Variants in RGS6 observed in about 807,000 individuals in gnomAD.
RGS6 encodes the protein regulator of G-protein signaling 6.
A neutral mutation model predicts 78.5 loss-of-function variants in RGS6; 30 were observed. The observed-to-expected ratio is 0.38, with a 90% CI of 0.29 to 0.52. The LOEUF (loss-of-function observed/expected upper bound fraction) is 0.52, where lower values mean the gene tolerates loss of function less well. Ranked by LOEUF, RGS6 falls within the 20% of genes least tolerant of loss-of-function variation. RGS6 has a pLI of 0.85. For synonymous variants in RGS6, 206 were observed against 206.0 expected, an observed-to-expected ratio of 1.00 and a Z score of 0.00; for missense variants, 495 against 609.7, an observed-to-expected ratio of 0.81 and a Z score of 1.98.
At chr14:72,337,052 G>A (rs1433132995) in intron 2 of RGS6, among the ~76,000 whole-genome samples, 1 of 152,158 alleles carries the variant, frequency 6.6e-6, no homozygotes, top group Non-Finnish European at 1.5e-5. Context: ...GGACTTCAAT[G>A]TCTCGATTTG....
At chr14:71,887,353 G>A in the RGS6 span, among the ~76,000 whole-genome samples, 1 of 152,194 alleles carries the variant, frequency 6.6e-6, no homozygotes, top group East Asian at 1.9e-4. Context: ...GATTTTTAGG[G>A]AACAAGGGAA....
the RGS6 span, among the ~76,000 whole-genome samples, chr14:71,922,365 A>C: frequency 2.0e-5 from 3 of 152,208 alleles, no homozygotes; most frequent in Admixed American, 2.0e-4. Context: ...GGATTACCAC[A>C]ACAGCCACAA....
At chr14:72,410,150 C>G (rs924177868) in intron 3 of RGS6, among the ~76,000 whole-genome samples, 16 of 152,244 alleles carry the variant, frequency 1.1e-4, no homozygotes, top group Non-Finnish European at 2.2e-4. Flanking sequence ...CCAACTTCCA[C>G]AATGGTTGAA....
chr14:72,524,750 A>G (rs2097097651), intron 15 of RGS6, among the ~76,000 whole-genome samples: 1 of 152,224 alleles, frequency 6.6e-6, no homozygotes, highest in African/African-American at 2.4e-5. Context: ...GCCATCAGGC[A>G]GAGCTTATCT....
the RGS6 span, among the ~76,000 whole-genome samples, chr14:71,890,362 G>GAGAGAA: frequency 1.2e-5 from 1 of 84,584 alleles, no homozygotes; most frequent in African/African-American, 1.2e-4. Flanking sequence ...ATAAGACAGA[G>GAGAGAA]AGAGAGAGAG....
intron 2 of RGS6, among the ~76,000 whole-genome samples, chr14:72,202,992 A>G (rs1021646319): frequency 2.6e-5 from 4 of 152,000 alleles, no homozygotes; most frequent in African/African-American, 9.7e-5. Context: ...CTCCTGCCTC[A>G]GCCTCCTGAA....
chr14:72,001,736 G>C (rs1468391520), intron 2 of RGS6, among the ~76,000 whole-genome samples: 2 of 151,928 alleles, frequency 1.3e-5, no homozygotes, highest in East Asian at 3.9e-4. Context: ...TTTTCCCCTG[G>C]TGGAATTCTC....
At chr14:72,409,178 TA>T (rs2093196110) in intron 3 of RGS6, among the ~76,000 whole-genome samples, 1 of 152,136 alleles carries the variant, frequency 6.6e-6, no homozygotes, top group Non-Finnish European at 1.5e-5. Flanking sequence ...TTGCCACTGT[TA>T]AAAGAAAAAC....
At chr14:72,030,155 A>G (rs1044936723) in intron 2 of RGS6, among the ~76,000 whole-genome samples, 3 of 152,218 alleles carry the variant, frequency 2.0e-5, no homozygotes, top group Admixed American at 2.0e-4. Context: ...AGGATAGTGA[A>G]GAGCATATAA....
At chr14:72,441,984 C>T (rs1391144008) in intron 3 of RGS6, among the ~76,000 whole-genome samples, 1 of 152,188 alleles carries the variant, frequency 6.6e-6, no homozygotes, top group African/African-American at 2.4e-5. Context: ...TGCTGGAATG[C>T]CATGAGGCCC....
the RGS6 span, among the ~76,000 whole-genome samples, chr14:72,625,115 C>A: frequency 2.0e-5 from 3 of 152,090 alleles, no homozygotes; most frequent in South Asian, 2.1e-4. Flanking sequence ...TATCCTACTT[C>A]TCATCATACT....
rs368576604 is a variant in RGS6 at position 72,454,323 on chromosome 14, T to C, written c.185-205T>C. The stretch of plus-strand genomic sequence containing the variant: ...CTCATCCTGCATCATCAGAAGTGAG[T>C]GTTTTTTGGACAAGAATGGAATTGT... On this transcript the variant is annotated intron_variant, in intron 3 of 17. Coordinates refer to ENST00000553525, the MANE Select transcript of RGS6 (RefSeq NM_001204424.2). Among the ~76,000 whole-genome samples, 93 of 152,178 alleles carry C rather than the reference T, an allele frequency of 6.1e-4. No homozygotes were observed. The South Asian group carries it at 0.019, about 31-fold the overall frequency.
chr14:72,165,118 G>A (rs1408797168), intron 2 of RGS6, among the ~76,000 whole-genome samples: 2 of 152,192 alleles, frequency 1.3e-5, no homozygotes, highest in African/African-American at 4.8e-5. Flanking sequence ...ACCCTGCTAG[G>A]AATAGAGAAG....
At chr14:72,457,653 G>A (rs916062556) in intron 4 of RGS6, among the ~76,000 whole-genome samples, 1 of 152,118 alleles carries the variant, frequency 6.6e-6, no homozygotes, top group Non-Finnish European at 1.5e-5. Context: ...GATTGACTGT[G>A]GCAAAAATAT....
At chr14:72,473,105 A>C in intron 9 of RGS6, 152 bp downstream of exon 9, 1 of 553,932 alleles carries the variant, frequency 1.8e-6, no homozygotes, top group East Asian at 3.2e-5. Context: ...CATTTATATA[A>C]TCTCAGTAAA....
chr14:72,396,975 G>A (rs1310356184), intron 3 of RGS6, among the ~76,000 whole-genome samples: 1 of 152,194 alleles, frequency 6.6e-6, no homozygotes, highest in African/African-American at 2.4e-5. Flanking sequence ...AAGTCAGGTA[G>A]CATGATGCCT....
rs74554842 is a variant in RGS6 at position 72,253,891 on chromosome 14, A to G, written c.85-98204A>G. ...AGCATATATAACTGCGCCTATCTGT[A>G]CTGATACAGGTCTATCTGGCATTAC... is the stretch of plus-strand genomic sequence containing the variant. On this transcript the variant is annotated intron_variant, in intron 2 of 17. Coordinates refer to ENST00000553525, the MANE Select transcript of RGS6 (RefSeq NM_001204424.2). 3.2e-3 allele frequency among the ~76,000 whole-genome samples: 491 copies of G among 152,298 alleles called. 2 individuals are homozygous for G. The highest frequency in any genetic ancestry group is 0.011 in the African/African-American group (475 of 41,560).
At chr14:71,910,303 T>C in the RGS6 span, among the ~76,000 whole-genome samples, 1 of 152,230 alleles carries the variant, frequency 6.6e-6, no homozygotes, top group African/African-American at 2.4e-5. Context: ...AATTCTCCTT[T>C]ACTGGAGACA....
At chr14:71,964,591 G>A (rs554376470) in intron 1 of RGS6, among the ~76,000 whole-genome samples, 181 bp from the exon 2 acceptor site, 1 of 152,196 alleles carries the variant, frequency 6.6e-6, no homozygotes, top group South Asian at 2.1e-4. Context: ...TGTTGTTTGG[G>A]GATTAGAAGA....
Sources: gnomAD v4.1 joint callset for allele counts (sites outside exome capture counted in the v4.1 genomes callset) on GRCh38, gnomAD v4.1.1 for gene constraint, MANE v1.5 for transcripts, NCBI Gene and HGNC (gene_info 2026-07-23, HGNC 2026-07-21) for gene names.